Variants in CLVS1 observed in about 807,000 individuals in gnomAD.
CLVS1 encodes clavesin 1, also known as clavesin-1.
A neutral mutation model predicts 33.1 loss-of-function variants in CLVS1; 10 were observed. That is an observed-to-expected ratio of 0.30 (90% CI 0.19 to 0.51). The LOEUF (loss-of-function observed/expected upper bound fraction) is 0.51, where lower values mean the gene tolerates loss of function less well. Among genes scored for constraint, CLVS1 ranks in the 20% least tolerant of loss-of-function variants. CLVS1 has a pLI of 0.97. For missense variants in CLVS1, 343 were observed against 433.4 expected (o/e 0.79, Z 1.85); for synonymous variants, 163 against 166.1 (o/e 0.98, Z 0.14).
chr8:61,408,501 C>T (rs1336164017), intron 3 of CLVS1, among the ~76,000 whole-genome samples: 1 of 152,214 alleles, frequency 6.6e-6, no homozygotes, highest in Non-Finnish European at 1.5e-5. Context: ...TTCTCCAGAC[C>T]TGGAAATCAA....
chr8:61,286,616 G>A (rs972404240), upstream of CLVS1, among the ~76,000 whole-genome samples: 1 of 152,156 alleles, frequency 6.6e-6, no homozygotes, highest in Non-Finnish European at 1.5e-5. Context: ...CTGCCACATG[G>A]TACTTACATT....
chr8:61,150,894 G>T (rs529221828), intron 2 of CLVS1, among the ~76,000 whole-genome samples: 3 of 152,080 alleles, frequency 2.0e-5, no homozygotes, highest in East Asian at 1.9e-4. Context: ...ATCGTTCCTG[G>T]CCACAAGCAA....
chr8:61,348,871 C>G (rs796922640), intron 2 of CLVS1, among the ~76,000 whole-genome samples: 1 of 152,110 alleles, frequency 6.6e-6, no homozygotes, highest in African/African-American at 2.4e-5. Flanking sequence ...TCTCCATATC[C>G]TTGCTAACAC....
chr8:61,392,604 T>C (rs1052390336), intron 3 of CLVS1, among the ~76,000 whole-genome samples: 2 of 152,096 alleles, frequency 1.3e-5, no homozygotes, highest in Non-Finnish European at 2.9e-5. Flanking sequence ...ACACCTGTAA[T>C]CCCAGCACTT....
intron 5 of CLVS1, among the ~76,000 whole-genome samples, chr8:61,497,437 T>G (rs1015569228): frequency 1.5e-4 from 7 of 45,396 alleles, no homozygotes; most frequent in African/African-American, 4.8e-4. Flanking sequence ...TGTCCAGGTT[T>G]TTATTGGGGG....
chr8:61,498,752 T>TA (rs1804374631), intron 5 of CLVS1, among the ~76,000 whole-genome samples: 1 of 152,178 alleles, frequency 6.6e-6, no homozygotes, highest in Non-Finnish European at 1.5e-5. Context: ...TCAACAACTG[T>TA]GGGAAGTAGG....
intron 3 of CLVS1, among the ~76,000 whole-genome samples, chr8:61,386,304 C>G (rs892085258): frequency 6.6e-6 from 1 of 152,168 alleles, no homozygotes; most frequent in Non-Finnish European, 1.5e-5. Context: ...TGAAGGACCA[C>G]GCTTGATAAA....
At chr8:61,067,364 A>T (rs1408423402) in intron 1 of CLVS1, among the ~76,000 whole-genome samples, 1 of 150,674 alleles carries the variant, frequency 6.6e-6, no homozygotes, top group Non-Finnish European at 1.5e-5. Context: ...GTGGGTGTAT[A>T]TATAATGTGT....
chr8:61,160,340 C>T (rs1806728613), intron 2 of CLVS1, among the ~76,000 whole-genome samples: 1 of 152,138 alleles, frequency 6.6e-6, no homozygotes, highest in Admixed American at 6.5e-5. Flanking sequence ...TTTTCTTTTA[C>T]CCATTATGAT....
intron 2 of CLVS1, among the ~76,000 whole-genome samples, chr8:61,317,640 T>C (rs1811058782): frequency 6.6e-6 from 1 of 152,238 alleles, no homozygotes; most frequent in South Asian, 2.1e-4. Flanking sequence ...GTATTACTTT[T>C]TTCTTCACTT....
chr8:61,446,285 T>C (rs1322558364), intron 3 of CLVS1, among the ~76,000 whole-genome samples: 1 of 152,202 alleles, frequency 6.6e-6, no homozygotes, highest in Non-Finnish European at 1.5e-5. Flanking sequence ...TAAAGAAATA[T>C]GTATTTAATG....
chr8:61,156,565 T>G (rs970418333), intron 2 of CLVS1, among the ~76,000 whole-genome samples: 2 of 152,220 alleles, frequency 1.3e-5, no homozygotes, highest in African/African-American at 4.8e-5. Context: ...ATCTGTGTGT[T>G]TTGTTTTGTT....
intron 5 of CLVS1, among the ~76,000 whole-genome samples, chr8:61,485,059 A>C (rs1446806869): frequency 6.6e-6 from 1 of 152,206 alleles, no homozygotes; most frequent in Non-Finnish European, 1.5e-5. Context: ...CTAAAACACC[A>C]AAAGCAATGG....
upstream of CLVS1, among the ~76,000 whole-genome samples, chr8:61,282,967 G>C (rs1256625979): frequency 6.6e-6 from 1 of 152,184 alleles, no homozygotes; most frequent in Admixed American, 6.5e-5. Flanking sequence ...AGCAATGAGT[G>C]ATCAAAATGT....
the CLVS1 span, among the ~76,000 whole-genome samples, chr8:61,039,568 G>C: frequency 3.3e-5 from 5 of 151,948 alleles, no homozygotes; most frequent in Non-Finnish European, 7.4e-5. Flanking sequence ...TCAGAGGCAG[G>C]GTCTTGGTCT....
chr8:61,424,714 A>G lies in CLVS1; in HGVS notation c.631-29427A>G, dbSNP rs1815814726. ...TTTTGTCTCCAATATTCCCAGGTAC[A>G]ATGGGTCTTATTAGGTAAAGGTAGC... On this transcript the variant is annotated intron_variant, in intron 3 of 5. Transcript: ENST00000325897. Among the ~76,000 whole-genome samples, 3 of 152,148 alleles carry G rather than the reference A, an allele frequency of 2.0e-5. No homozygotes were observed. In the South Asian group the frequency reaches 6.2e-4, roughly 31 times the overall value.
intron 1 of CLVS1, among the ~76,000 whole-genome samples, chr8:61,105,801 C>T (rs1199270636): frequency 6.6e-6 from 1 of 151,936 alleles, no homozygotes; most frequent in Non-Finnish European, 1.5e-5. Flanking sequence ...CCTCCTACTC[C>T]CCAAACTTAG....
At chr8:61,250,083 G>A (rs887557525) in intron 2 of CLVS1, among the ~76,000 whole-genome samples, 16 of 151,900 alleles carry the variant, frequency 1.1e-4, no homozygotes, top group African/African-American at 3.9e-4. Context: ...ATCTTGGGTT[G>A]ATTTTTTTGT....
intron 3 of CLVS1, among the ~76,000 whole-genome samples, chr8:61,395,416 T>C (rs1053856211): frequency 6.6e-5 from 10 of 152,202 alleles, no homozygotes; most frequent in African/African-American, 4.8e-5. Flanking sequence ...CAGTTAATAA[T>C]AATGTATCGT....
Sources: allele counts gnomAD v4.1 joint callset (sites outside exome capture counted in the v4.1 genomes callset), GRCh38; gene constraint gnomAD v4.1.1; transcripts MANE v1.5; gene names NCBI Gene and HGNC (gene_info 2026-07-23, HGNC 2026-07-21).